Variants in MOSPD2 observed in about 807,000 individuals in gnomAD.
MOSPD2 encodes the protein motile sperm domain-containing protein 2.
In MOSPD2, 5 loss-of-function variants were observed where a neutral mutation model predicts 41.7. The observed-to-expected ratio is 0.12, with a 90% CI of 0.06 to 0.25. The LOEUF (loss-of-function observed/expected upper bound fraction) is 0.25, where lower values mean the gene tolerates loss of function less well. MOSPD2 is among the 10% of genes least tolerant of loss of function. The pLI, the probability that MOSPD2 is intolerant of heterozygous loss-of-function variation, is 1.00. For missense variants in MOSPD2, 282 were observed against 375.2 expected (o/e 0.75, Z 2.05); for synonymous variants, 115 against 126.9 (o/e 0.91, Z 0.63).
At chrX:14,873,608 G>A in intron 1 of MOSPD2, 71 bp downstream of exon 1, 1 of 1,206,480 alleles carries the variant, frequency 8.3e-7, no homozygotes, top group Non-Finnish European at 1.1e-6. Flanking sequence ...GGGACCGAGC[G>A]CCCGTGTGCA....
intron 2 of MOSPD2, among the ~76,000 whole-genome samples, chrX:14,885,986 T>C (rs953449735): frequency 1.8e-5 from 2 of 111,603 alleles, no homozygotes; most frequent in Non-Finnish European, 3.8e-5. Context: ...AGATTTAGCA[T>C]GTACTTACTG....
At chrX:14,916,046 C>T in intron 12 of MOSPD2, 151 bp from the exon 13 acceptor site, 3 of 944,938 alleles carry the variant, frequency 3.2e-6, no homozygotes, top group Non-Finnish European at 4.4e-6. Flanking sequence ...GAGAAATTTC[C>T]TCACTTTTAG....
chrX:14,914,285 T>C (rs1229726406), intron 10 of MOSPD2, among the ~76,000 whole-genome samples: 2 of 112,017 alleles, frequency 1.8e-5, no homozygotes, highest in Non-Finnish European at 3.8e-5. Flanking sequence ...GCTTTTGATC[T>C]TGGGGAAAAC....
intron 5 of MOSPD2, among the ~76,000 whole-genome samples, chrX:14,900,354 T>C (rs1241544142): frequency 8.9e-6 from 1 of 111,940 alleles, no homozygotes; most frequent in Non-Finnish European, 1.9e-5. Flanking sequence ...AAAACATCAC[T>C]AAGCATCTGG....
chrX:14,897,298 G>A (rs1882911758), intron 5 of MOSPD2, 60 bp downstream of exon 5: 1 of 979,650 alleles, frequency 1.0e-6, no homozygotes, highest in African/African-American at 1.9e-5. Flanking sequence ...CCTTTCTCCT[G>A]TCCTTGCTGC....
intron 2 of MOSPD2, among the ~76,000 whole-genome samples, chrX:14,881,239 T>TC (rs1166045382): frequency 9.0e-6 from 1 of 110,672 alleles, no homozygotes; most frequent in Non-Finnish European, 1.9e-5. Flanking sequence ...TTTGTCCTTT[T>TC]TTTTTTTTAA....
At chrX:14,901,892 T>C (rs911779219) in intron 6 of MOSPD2, among the ~76,000 whole-genome samples, 9 of 110,447 alleles carry the variant, frequency 8.1e-5, no homozygotes, top group Non-Finnish European at 1.5e-4. Flanking sequence ...TGAGATTCTT[T>C]TGAGAGAACT....
intron 2 of MOSPD2, among the ~76,000 whole-genome samples, chrX:14,880,897 C>A (rs780517735): frequency 4.6e-4 from 51 of 111,515 alleles, no homozygotes; most frequent in African/African-American, 1.6e-3. Context: ...TATAATTTTC[C>A]TTTCTAGTGT....
chrX:14,913,864 AT>A (rs1423221582), intron 10 of MOSPD2, among the ~76,000 whole-genome samples: 4 of 110,762 alleles, frequency 3.6e-5, no homozygotes, highest in Non-Finnish European at 7.6e-5. Flanking sequence ...AATCTTTTAA[AT>A]TTTTTTTTAG....
intron 2 of MOSPD2, 48 bp from the exon 3 acceptor site, chrX:14,892,675 A>G (rs375612043): frequency 9.7e-7 from 1 of 1,033,440 alleles, no homozygotes; most frequent in African/African-American, 1.9e-5. Context: ...GTTATTTTTC[A>G]CTGCAGAATT....
At chrX:14,915,587 A>T in intron 11 of MOSPD2, 81 bp from the exon 12 acceptor site, 1 of 568,531 alleles carries the variant, frequency 1.8e-6, no homozygotes. Flanking sequence ...AATAAAAATA[A>T]ATTTTTTTAA....
At chrX:14,900,451 T>G in intron 5 of MOSPD2, 124 bp from the exon 6 acceptor site, 20 of 317,995 alleles carry the variant, frequency 6.3e-5, no homozygotes, top group East Asian at 1.5e-4. Flanking sequence ...TATTTACATA[T>G]GAGCTTACTT....
chrX:14,911,430 A>G lies in MOSPD2; in HGVS notation c.879+17A>G. ...CTTAAAAAGGTAACTTTATAAATAA[A>G]ATGAAACTGAATCACAAGATGTGGT... is the stretch of plus-strand genomic sequence containing the variant. On this transcript the variant is annotated intron_variant, in intron 9 of 14. Coordinates refer to ENST00000380492, the MANE Select transcript of MOSPD2 (RefSeq NM_152581.4). 9.1e-7 allele frequency: 1 copy of G among 1,101,068 alleles called. No individual in the cohort carries two copies. The highest frequency in any genetic ancestry group is 1.2e-6 in the Non-Finnish European group (1 of 815,673). The allele number at this position is 1,101,068 out of a possible 1,213,427, so 90.7% of individuals were successfully genotyped here. A position where few individuals can be genotyped will look rare whatever the true frequency, so the allele number is the denominator to read the frequency against.
chrX:14,902,871 TTAAATTTAGA>T, intron 6 of MOSPD2, 85 bp from the exon 7 acceptor site: 1 of 603,021 alleles, frequency 1.7e-6, no homozygotes, highest in Non-Finnish European at 2.7e-6. Flanking sequence ...CAGTTTTTAC[TTAAATTTAGA>T]TGACCAGTTT....
intron 2 of MOSPD2, among the ~76,000 whole-genome samples, chrX:14,889,640 T>C (rs1279969208): frequency 9.0e-6 from 1 of 110,627 alleles, no homozygotes; most frequent in Non-Finnish European, 1.9e-5. Context: ...AATCTTTGTC[T>C]TCTCTTTTCT....
intron 2 of MOSPD2, among the ~76,000 whole-genome samples, chrX:14,889,395 G>A (rs1569101545): frequency 1.8e-5 from 2 of 111,646 alleles, no homozygotes; most frequent in Admixed American, 1.9e-4. Context: ...TATCACCCTT[G>A]GCCTTGTGCT....
intron 5 of MOSPD2, 105 bp downstream of exon 5, chrX:14,897,343 C>A: frequency 1.6e-6 from 1 of 628,116 alleles, no homozygotes; most frequent in Non-Finnish European, 2.4e-6. Flanking sequence ...AGGTAACTAA[C>A]TTATATTAGG....
rs752881101 is a variant in MOSPD2 at position 14,878,067 on chromosome X, G to C, written c.79+4309G>C. Among the ~76,000 whole-genome samples, 3 of 111,605 alleles carry C rather than the reference G, an allele frequency of 2.7e-5. No homozygotes were observed. The South Asian group carries it at 1.1e-3, about 42-fold the overall frequency. On this transcript the variant is annotated intron_variant, in intron 2 of 14. Coordinates refer to ENST00000380492, the MANE Select transcript of MOSPD2 (RefSeq NM_152581.4). ...TTATTTCTCCGTATTTATGAAGTAA[G>C]CAACATTGTATATTGCCATTTAATA...
At chrX:14,888,208 A>ACC (rs1344752584) in intron 2 of MOSPD2, among the ~76,000 whole-genome samples, 7 of 49,096 alleles carry the variant, frequency 1.4e-4, no homozygotes, top group Non-Finnish European at 2.5e-4. Context: ...ACACACACGC[A>ACC]CACACACACA....
Sources: allele counts gnomAD v4.1 joint callset (sites outside exome capture counted in the v4.1 genomes callset), GRCh38; gene constraint gnomAD v4.1.1; transcripts MANE v1.5; gene names NCBI Gene and HGNC (gene_info 2026-07-23, HGNC 2026-07-21).